ANKS1B: variants seen among roughly 807,000 people sequenced by gnomAD.
ANKS1B encodes the protein ankyrin repeat and sterile alpha motif domain containing 1B.
Under a neutral mutation model 148.3 loss-of-function variants are expected in ANKS1B, and 36 were observed. The ratio of observed to expected loss-of-function variants is 0.24; its 90% confidence interval spans 0.19 to 0.32. The LOEUF (loss-of-function observed/expected upper bound fraction) is 0.32. Ranked by LOEUF, ANKS1B falls within the 10% of genes least tolerant of loss-of-function variation. The pLI is 1.00. For synonymous variants in ANKS1B, 542 were observed against 560.8 expected (o/e 0.97, Z 0.47); for missense variants, 1,157 against 1,542.6 (o/e 0.75, Z 4.19).
chr12:98,770,486 T>C (rs1157604212), intron 25 of ANKS1B, among the ~76,000 whole-genome samples: 1 of 152,214 alleles, frequency 6.6e-6, no homozygotes, highest in African/African-American at 2.4e-5. Flanking sequence ...ATCAACACTT[T>C]AATCCCGTGC....
intron 15 of ANKS1B, among the ~76,000 whole-genome samples, chr12:99,114,009 A>G (rs1346548586): frequency 6.6e-6 from 1 of 152,122 alleles, no homozygotes; most frequent in East Asian, 1.9e-4. Context: ...CTGTATTCCT[A>G]GTTAGTGGAG....
intron 22 of ANKS1B, among the ~76,000 whole-genome samples, chr12:98,791,320 G>T (rs2098847708): frequency 6.7e-6 from 1 of 149,342 alleles, no homozygotes; most frequent in Non-Finnish European, 1.5e-5. Flanking sequence ...ACTCCAGCCT[G>T]GGAGACAGTC....
chr12:99,203,082 C>T (rs971568117), intron 14 of ANKS1B, among the ~76,000 whole-genome samples: 1 of 152,218 alleles, frequency 6.6e-6, no homozygotes. Context: ...GGAAACCACA[C>T]AGGAATGTGA....
chr12:99,573,807 A>G (rs1247218500), intron 9 of ANKS1B, among the ~76,000 whole-genome samples: 3 of 152,098 alleles, frequency 2.0e-5, no homozygotes, highest in African/African-American at 7.2e-5. Context: ...ACTCCTTGGC[A>G]ATAAATGAAC....
Position 99,763,503 on chromosome 12 carries a change from C to A in ANKS1B, c.1128+9419G>T, listed in dbSNP as rs567116357. On this transcript the variant is annotated intron_variant, in intron 8 of 26. Coordinates refer to ENST00000683438, the MANE Select transcript of ANKS1B (RefSeq NM_001352186.2). ...AACTACAGACAATGGGGCTTACTTGCGGGTGTAGCACGGGAGGAGAGTAAG... is the reference window on the plus strand; with the variant it reads ...AACTACAGACAATGGGGCTTACTTGAGGGTGTAGCACGGGAGGAGAGTAAG... Among the ~76,000 whole-genome samples, 5 of 152,006 alleles carry A rather than the reference C, an allele frequency of 3.3e-5. No individual in the cohort carries two copies. The South Asian group carries it at 8.3e-4, about 25-fold the overall frequency.
chr12:98,791,564 A>T (rs1164965310), intron 22 of ANKS1B, among the ~76,000 whole-genome samples: 1 of 148,358 alleles, frequency 6.7e-6, no homozygotes, highest in Non-Finnish European at 1.5e-5. Context: ...ATTTTTTTTT[A>T]AAGATGGGAT....
intron 16 of ANKS1B, among the ~76,000 whole-genome samples, chr12:99,069,008 G>T (rs1475421947): frequency 6.6e-6 from 1 of 152,156 alleles, no homozygotes; most frequent in Non-Finnish European, 1.5e-5. Context: ...TGTCTAAAAT[G>T]CAGGCAGAAC....
rs78364695 is a variant in ANKS1B, at chr12:98,874,793, A to G, written c.2779-42657T>C. 9.1e-3 allele frequency among the ~76,000 whole-genome samples: 1,391 copies of G among 152,302 alleles called. 15 individuals are homozygous for G. The highest frequency in any genetic ancestry group is 0.032 in the African/African-American group (1,317 of 41,566). On this transcript the variant is annotated intron_variant, in intron 17 of 26. Transcript: ENST00000683438. ...ATGAAAGGAGAAAAATGAGAAATTAATAACACTGAAAAGTACACAGGAGAA... is the reference window on the plus strand; with the variant it reads ...ATGAAAGGAGAAAAATGAGAAATTAGTAACACTGAAAAGTACACAGGAGAA...
chr12:99,842,480 G>A (rs1401552661), intron 1 of ANKS1B, among the ~76,000 whole-genome samples: 1 of 152,110 alleles, frequency 6.6e-6, no homozygotes, highest in Non-Finnish European at 1.5e-5. Flanking sequence ...TGCTCAGTCA[G>A]TTTAGCAAGA....
At position 98,996,332 on chromosome 12, in the gene ANKS1B, G is replaced by T. The variant is rs1401001005; in HGVS notation, c.2778+56825C>A. ...GTCTCTGAGCATGGGAAGATGAAAA[G>T]ATTTGCTTTTCATGCAAGGAATTTA... On this transcript the variant is annotated intron_variant, in intron 17 of 26. Coordinates refer to ENST00000683438, the MANE Select transcript of ANKS1B (RefSeq NM_001352186.2). Among the ~76,000 whole-genome samples the T allele has an allele frequency of 2.0e-5, 3 of 152,126 alleles. No homozygotes were observed. The East Asian group carries it at 5.8e-4, about 29-fold the overall frequency.
intron 17 of ANKS1B, 114 bp from the exon 18 acceptor site, chr12:98,832,250 G>A (rs1435249202): frequency 8.9e-6 from 7 of 786,570 alleles, no homozygotes; most frequent in African/African-American, 8.7e-5. Flanking sequence ...TGCACCATGA[G>A]ATGTGGTGTC....
Position 98,894,986 on chromosome 12 carries a change from G to A in ANKS1B, c.2779-62850C>T, listed in dbSNP as rs559443059. On this transcript the variant is annotated intron_variant, in intron 17 of 26. Transcript: ENST00000683438. Reference sequence around the variant, plus strand: ...CTCCACGCGGCGCGCGCCTGCCCTGGCGGCAGCGGCGGCGGCGGCGGCGCG... The same window carrying A: ...CTCCACGCGGCGCGCGCCTGCCCTGACGGCAGCGGCGGCGGCGGCGGCGCG... 97 of 805,832 alleles carry A rather than the reference G, an allele frequency of 1.2e-4. No homozygotes were observed. The Admixed American group carries it at 3.0e-3, about 25-fold the overall frequency. 49.9% of individuals were successfully genotyped at this position (805,832 alleles called of 1,614,324 possible).
intron 17 of ANKS1B, among the ~76,000 whole-genome samples, chr12:98,957,311 A>ATATATATT (rs2099863958): frequency 1.4e-5 from 2 of 143,874 alleles, no homozygotes; most frequent in Admixed American, 1.4e-4. Context: ...TTTTTTTTAA[A>ATATATATT]TATTTATTTA....
chr12:99,041,751 A>G (rs2099959147), intron 17 of ANKS1B, among the ~76,000 whole-genome samples: 1 of 152,188 alleles, frequency 6.6e-6, no homozygotes, highest in Non-Finnish European at 1.5e-5. Flanking sequence ...CTGTAATCCC[A>G]GCACTTTGGG....
rs772296028 is a variant in ANKS1B, at chr12:99,246,731, T to C, written c.1890A>G (p.Glu630=). ...ENPFHLYGKR[E]QCEKGQDEVS... is the part of the protein sequence containing the mutation. The stretch of plus-strand genomic sequence containing the variant: ...CTTCATCTTGTCCTTTTTCACATTG[T>C]TCTCTTTTCCCATAGAGATGAAATG... The change falls in exon 13 of 27, where the codon GAA becomes GAG. Residue 630 remains glutamate, a synonymous_variant. Coordinates refer to ENST00000683438, the MANE Select transcript of ANKS1B (RefSeq NM_001352186.2). 9.3e-6 allele frequency: 15 copies of C among 1,613,974 alleles called. No individual in the cohort carries two copies. The South Asian group carries it at 1.6e-4, about 18-fold the overall frequency.
chr12:99,154,463 C>G (rs2153823258), intron 14 of ANKS1B, 68 bp from the exon 15 acceptor site: 2 of 1,612,974 alleles, frequency 1.2e-6, no homozygotes, highest in East Asian at 4.5e-5. Context: ...AGCGGTAGTC[C>G]TGGGCTGAGA....
chr12:99,030,494 C>T (rs2099951421), intron 17 of ANKS1B, among the ~76,000 whole-genome samples: 1 of 150,588 alleles, frequency 6.6e-6, no homozygotes, highest in African/African-American at 2.4e-5. Flanking sequence ...CCTATCTTAG[C>T]ATCAAATCCA....
chr12:99,038,610 A>T (rs2099956977), intron 17 of ANKS1B, among the ~76,000 whole-genome samples: 1 of 152,058 alleles, frequency 6.6e-6, no homozygotes, highest in Non-Finnish European at 1.5e-5. Flanking sequence ...TTACTATGCA[A>T]CCCCTCTCCA....
At chr12:99,506,453 A>G (rs571234549) in intron 9 of ANKS1B, among the ~76,000 whole-genome samples, 6 of 152,010 alleles carry the variant, frequency 3.9e-5, no homozygotes, top group Admixed American at 2.6e-4. Flanking sequence ...TTTATTTTTA[A>G]CAACAAAGGG....
Sources: gnomAD v4.1 joint callset for allele counts (sites outside exome capture counted in the v4.1 genomes callset) on GRCh38, gnomAD v4.1.1 for gene constraint, MANE v1.5 for transcripts, NCBI Gene and HGNC (gene_info 2026-07-23, HGNC 2026-07-21) for gene names.